The following CDK5RAP2 variants were observed in gnomAD, a reference collection of about 807,000 sequenced individuals.
The protein encoded by CDK5RAP2 is CDK5 regulatory subunit-associated protein 2.
In CDK5RAP2, 147 loss-of-function variants were observed where a neutral mutation model predicts 232.9. The observed-to-expected ratio is 0.63, with a 90% confidence interval of 0.55 to 0.72. The LOEUF is 0.72. CDK5RAP2 is among the 30% of genes least tolerant of loss of function. The pLI is 0.00. For synonymous variants in CDK5RAP2, 833 were observed against 833.7 expected, an observed-to-expected ratio of 1.00 and a Z score of 0.01; for missense variants, 2,195 against 2,231.5, an observed-to-expected ratio of 0.98 and a Z score of 0.33.
At chr9:120,445,635 C>A (rs2036144912) in intron 22 of CDK5RAP2, among the ~76,000 whole-genome samples, 1 of 152,126 alleles carries the variant, frequency 6.6e-6, no homozygotes, top group East Asian at 1.9e-4. Flanking sequence ...ACTGCTAATC[C>A]CCTCCTTACT....
chr9:120,414,446 A>G (rs2034081458), intron 28 of CDK5RAP2, among the ~76,000 whole-genome samples: 1 of 152,246 alleles, frequency 6.6e-6, no homozygotes, highest in Non-Finnish European at 1.5e-5. Context: ...GGACAGAATC[A>G]TGGATATAGA....
Position 120,491,289 on chromosome 9 carries a change from A to G in CDK5RAP2, c.1482+18T>C. 3.1e-6 allele frequency: 5 copies of G among 1,599,894 alleles called. No homozygotes were observed. The highest frequency in any genetic ancestry group is 4.3e-6 in the Non-Finnish European group (5 of 1,168,354). ...ACCCATGCCAAATTAAAAAATTTAA[A>G]TACAAAAGTTACAGTACCTGAAGCA... On this transcript the variant is annotated intron_variant, in intron 13 of 37. Transcript: ENST00000349780.
At chr9:120,521,155 C>G (rs1025103017) in intron 11 of CDK5RAP2, among the ~76,000 whole-genome samples, 1 of 152,024 alleles carries the variant, frequency 6.6e-6, no homozygotes, top group East Asian at 1.9e-4. Context: ...CACTATTAAC[C>G]AAGAATTTGA....
chr9:120,499,257 G>C lies in CDK5RAP2; in HGVS notation c.1312-7780C>G, dbSNP rs563222140. The stretch of plus-strand genomic sequence containing the variant: ...TCAGTGTTGAAAAGGAGGGAGTGAG[G>C]GGGAGGGCAGAGATGACACAAGATT... On this transcript the variant is annotated intron_variant, in intron 12 of 37. Coordinates refer to ENST00000349780, the MANE Select transcript of CDK5RAP2 (RefSeq NM_018249.6). Among the ~76,000 whole-genome samples, 11 of 152,252 alleles carry C rather than the reference G, an allele frequency of 7.2e-5. No homozygotes were observed. In the South Asian group the frequency reaches 1.7e-3, roughly 23 times the overall value.
At chr9:120,485,155 T>C (rs2038528198) in intron 14 of CDK5RAP2, among the ~76,000 whole-genome samples, 1 of 152,166 alleles carries the variant, frequency 6.6e-6, no homozygotes, top group Non-Finnish European at 1.5e-5. Context: ...GCCCAGCTAG[T>C]AACTTTACAT....
At chr9:120,493,362 T>C (rs531214990) in intron 12 of CDK5RAP2, among the ~76,000 whole-genome samples, 32 of 152,256 alleles carry the variant, frequency 2.1e-4, no homozygotes, top group Non-Finnish European at 3.8e-4. Context: ...TGGAGGATTC[T>C]AGGGAACTTG....
chr9:120,415,164 A>G lies in CDK5RAP2; in HGVS notation c.4178-5T>C, dbSNP rs2034137128. The stretch of plus-strand genomic sequence containing the variant: ...GTATGTGTTCCATTAGTAAGTCTAC[A>G]GGAAGGAAGCCATTTTTAATTTAAA... On this transcript the variant is annotated splice_polypyrimidine_tract_variant and splice_region_variant and intron_variant, in intron 27 of 37. Coordinates refer to ENST00000349780, the MANE Select transcript of CDK5RAP2 (RefSeq NM_018249.6). The G allele has an allele frequency of 1.2e-6, 2 of 1,614,018 alleles. No homozygotes were observed. Among genetic ancestry groups the G allele is most frequent in the Non-Finnish European group, 8.5e-7 (1 of 1,179,854 alleles).
intron 20 of CDK5RAP2, among the ~76,000 whole-genome samples, chr9:120,457,887 G>A (rs1214354216): frequency 6.6e-6 from 1 of 152,136 alleles, no homozygotes; most frequent in Non-Finnish European, 1.5e-5. Flanking sequence ...CAAAGCCCAA[G>A]CAGCTGTTAT....
At position 120,458,450 on chromosome 9, in the gene CDK5RAP2, C is replaced by G. The variant is rs1564247129; in HGVS notation, c.2375G>C (p.Arg792Thr). The G allele has an allele frequency of 1.2e-6, 2 of 1,614,074 alleles. No homozygotes were observed. The highest frequency in any genetic ancestry group is 1.7e-5 in the Admixed American group (1 of 60,016). ...AGGAATGCCTGGGCCCCATGTATAC[C>G]TGGATTCCAGTAATAATGTGGCCTT... ...NEKATLLLES[R>T]PDLLKVVREL... The change falls in exon 20 of 38, where the codon AGG becomes ACG. Residue 792 changes from arginine (R) to threonine (T), a missense_variant and splice_region_variant. Coordinates refer to ENST00000349780, the MANE Select transcript of CDK5RAP2 (RefSeq NM_018249.6).
At chr9:120,522,510 C>A (rs529360739) in intron 11 of CDK5RAP2, among the ~76,000 whole-genome samples, 3 of 152,296 alleles carry the variant, frequency 2.0e-5, no homozygotes, top group Non-Finnish European at 4.4e-5. Flanking sequence ...AGAGTCAAGG[C>A]AAGAGGTGAG....
At chr9:120,481,401 G>A (rs913547836) in intron 14 of CDK5RAP2, among the ~76,000 whole-genome samples, 4 of 151,786 alleles carry the variant, frequency 2.6e-5, no homozygotes, top group Admixed American at 1.3e-4. Context: ...TGTTTCTTGA[G>A]CACCTAACAT....
At chr9:120,550,069 C>T (rs2041993425) in intron 4 of CDK5RAP2, among the ~76,000 whole-genome samples, 1 of 152,152 alleles carries the variant, frequency 6.6e-6, no homozygotes. Context: ...TAGAAAAAGC[C>T]AAGAAACAGG....
intron 3 of CDK5RAP2, among the ~76,000 whole-genome samples, chr9:120,555,164 G>T (rs1486667227): frequency 6.6e-6 from 1 of 151,806 alleles, no homozygotes; most frequent in African/African-American, 2.4e-5. Flanking sequence ...GTGGGTAGAC[G>T]GAGTCTCGCT....
chr9:120,405,117 AGT>A (rs1478663250), intron 32 of CDK5RAP2, among the ~76,000 whole-genome samples: 1 of 152,204 alleles, frequency 6.6e-6, no homozygotes, highest in Non-Finnish European at 1.5e-5. Flanking sequence ...GGTGTGCTAC[AGT>A]TCCTAAGGCC....
At chr9:120,454,759 T>C (rs1306282442) in intron 20 of CDK5RAP2, among the ~76,000 whole-genome samples, 1 of 152,186 alleles carries the variant, frequency 6.6e-6, no homozygotes, top group Non-Finnish European at 1.5e-5. Context: ...AAGACAGCTG[T>C]TGGGTAAATG....
chr9:120,461,531 A>C (rs1428576123), intron 18 of CDK5RAP2, among the ~76,000 whole-genome samples: 1 of 152,238 alleles, frequency 6.6e-6, no homozygotes, highest in Non-Finnish European at 1.5e-5. Context: ...AAATTATACC[A>C]AACCTTATCT....
chr9:120,412,222 AT>A (rs1564184466), intron 28 of CDK5RAP2, among the ~76,000 whole-genome samples: 1 of 150,908 alleles, frequency 6.6e-6, no homozygotes, highest in Non-Finnish European at 1.5e-5. Flanking sequence ...AGATACCTCT[AT>A]TTCACAGGTA....
At chr9:120,418,537 C>T (rs1474709370) in intron 27 of CDK5RAP2, among the ~76,000 whole-genome samples, 2 of 152,132 alleles carry the variant, frequency 1.3e-5, no homozygotes, top group Non-Finnish European at 2.9e-5. Context: ...GAGTTACACA[C>T]TGAATGGATA....
At chr9:120,404,214 A>G (rs2033276756) in intron 32 of CDK5RAP2, 101 bp from the exon 33 acceptor site, 3 of 777,936 alleles carry the variant, frequency 3.9e-6, no homozygotes, top group Non-Finnish European at 6.8e-6. Context: ...TCACTTATCC[A>G]TACACACACA....
Sources: allele counts gnomAD v4.1 joint callset (sites outside exome capture counted in the v4.1 genomes callset), GRCh38; gene constraint gnomAD v4.1.1; transcripts MANE v1.5; gene names NCBI Gene and HGNC (gene_info 2026-07-23, HGNC 2026-07-21).